The following CTNNA3 variants were observed in gnomAD, a reference collection of about 807,000 sequenced individuals.
CTNNA3 encodes the protein catenin alpha 3.
Under a neutral mutation model 95.7 loss-of-function variants are expected in CTNNA3, and 76 were observed. The ratio of observed to expected loss-of-function variants is 0.79; its 90% CI spans 0.66 to 0.96. The LOEUF is 0.96. Ranked by LOEUF, CTNNA3 falls within the 40% of genes least tolerant of loss-of-function variation. The pLI is 0.00. For missense variants in CTNNA3, 1,191 were observed against 1,089.8 expected (o/e 1.09, Z -1.31); for synonymous variants, 431 against 374.4 (o/e 1.15, Z -1.74).
At chr10:66,172,491 T>C (rs911973296) in intron 13 of CTNNA3, among the ~76,000 whole-genome samples, 2 of 152,126 alleles carry the variant, frequency 1.3e-5, no homozygotes, top group Admixed American at 1.3e-4. Context: ...ATTTTATCTA[T>C]ATTATTTTAT....
At chr10:66,447,356 C>T (rs1377937385) in intron 11 of CTNNA3, among the ~76,000 whole-genome samples, 13 of 144,780 alleles carry the variant, frequency 9.0e-5, no homozygotes, top group Admixed American at 2.1e-4. Context: ...AAAAAGAGCC[C>T]GCATCGCCAA....
chr10:66,583,414 G>A (rs1175488802), intron 10 of CTNNA3, among the ~76,000 whole-genome samples: 1 of 151,740 alleles, frequency 6.6e-6, no homozygotes, highest in Admixed American at 6.6e-5. Flanking sequence ...GCTAGCGGGG[G>A]TTGTATGTTT....
At chr10:66,823,551 C>T (rs1842376712) in intron 7 of CTNNA3, among the ~76,000 whole-genome samples, 1 of 152,124 alleles carries the variant, frequency 6.6e-6, no homozygotes, top group South Asian at 2.1e-4. Context: ...GAGCAGGATG[C>T]AAGGCAGTGA....
chr10:66,908,960 A>G (rs1217186351), intron 7 of CTNNA3, among the ~76,000 whole-genome samples: 1 of 152,196 alleles, frequency 6.6e-6, no homozygotes, highest in Non-Finnish European at 1.5e-5. Flanking sequence ...ACCAGATTAC[A>G]AACAGTCATT....
intron 7 of CTNNA3, among the ~76,000 whole-genome samples, chr10:66,915,656 A>T (rs1448432527): frequency 6.6e-6 from 1 of 151,368 alleles, no homozygotes; most frequent in East Asian, 1.9e-4. Flanking sequence ...AAATAGGATT[A>T]TCTGAAATGC....
intron 7 of CTNNA3, among the ~76,000 whole-genome samples, chr10:66,941,643 C>T (rs1473970097): frequency 5.9e-5 from 9 of 152,100 alleles, no homozygotes; most frequent in African/African-American, 1.4e-4. Context: ...GTCTGCAGGG[C>T]TCATTTGCAG....
At chr10:66,169,479 A>G (rs1049837514) in intron 13 of CTNNA3, among the ~76,000 whole-genome samples, 2 of 152,158 alleles carry the variant, frequency 1.3e-5, no homozygotes, top group East Asian at 3.9e-4. Context: ...TAATGCTATA[A>G]ACATGCGTGT....
intron 7 of CTNNA3, among the ~76,000 whole-genome samples, chr10:66,918,703 C>T (rs17231518): frequency 0.022 from 3,421 of 152,114 alleles, 61 homozygotes; most frequent in Non-Finnish European, 0.037. Flanking sequence ...GATCTTGATA[C>T]GAACAAACCT....
intron 7 of CTNNA3, among the ~76,000 whole-genome samples, chr10:66,804,437 C>T (rs1564694042): frequency 6.6e-6 from 1 of 151,970 alleles, no homozygotes; most frequent in African/African-American, 2.4e-5. Context: ...GTTCTGCTTT[C>T]CTAATGATAA....
intron 9 of CTNNA3, among the ~76,000 whole-genome samples, chr10:66,748,987 C>T (rs1839004805): frequency 6.7e-6 from 1 of 149,508 alleles, no homozygotes; most frequent in Admixed American, 6.7e-5. Flanking sequence ...ACCTGGCCAA[C>T]ATAGTGAAAC....
At chr10:67,362,883 A>G (rs1233901967) in intron 5 of CTNNA3, among the ~76,000 whole-genome samples, 1 of 152,136 alleles carries the variant, frequency 6.6e-6, no homozygotes, top group African/African-American at 2.4e-5. Flanking sequence ...AAAGGTTTCT[A>G]GAACAGATAA....
chr10:65,931,299 T>G (rs1011070370), intron 17 of CTNNA3, among the ~76,000 whole-genome samples: 8 of 152,218 alleles, frequency 5.3e-5, no homozygotes, highest in African/African-American at 1.9e-4. Flanking sequence ...TAGTCTCATT[T>G]AACTGGTAGA....
chr10:66,468,603 G>C (rs1230130988), intron 11 of CTNNA3, among the ~76,000 whole-genome samples: 1 of 151,836 alleles, frequency 6.6e-6, no homozygotes, highest in Admixed American at 6.6e-5. Context: ...TTTGCTAAGA[G>C]AGAAATCATA....
At chr10:67,002,185 T>G (rs1851728661) in intron 7 of CTNNA3, among the ~76,000 whole-genome samples, 1 of 152,226 alleles carries the variant, frequency 6.6e-6, no homozygotes, top group Admixed American at 6.5e-5. Flanking sequence ...TTTCCTCATA[T>G]TCTCTTAAAC....
intron 9 of CTNNA3, among the ~76,000 whole-genome samples, chr10:66,667,490 G>A (rs1846498394): frequency 1.3e-5 from 2 of 152,004 alleles, no homozygotes; most frequent in African/African-American, 4.8e-5. Flanking sequence ...TTTCTTCATC[G>A]AGGTATTAAT....
At chr10:67,759,713 A>G (rs1841452921) in intron 1 of CTNNA3, among the ~76,000 whole-genome samples, 1 of 152,200 alleles carries the variant, frequency 6.6e-6, no homozygotes, top group Non-Finnish European at 1.5e-5. Context: ...ACTATAGAGG[A>G]ATTATCGTGC....
chr10:67,195,917 T>C (rs1427530396), intron 6 of CTNNA3, among the ~76,000 whole-genome samples: 1 of 152,104 alleles, frequency 6.6e-6, no homozygotes, highest in African/African-American at 2.4e-5. Context: ...CTAAAAATCT[T>C]ACACCTATTC....
At chr10:67,222,381 C>T (rs1226125121) in intron 5 of CTNNA3, among the ~76,000 whole-genome samples, 1 of 152,172 alleles carries the variant, frequency 6.6e-6, no homozygotes, top group East Asian at 1.9e-4. Flanking sequence ...CTAGGTAACT[C>T]ATCTCTTTCG....
chr10:66,433,623 A>G (rs9664452), intron 11 of CTNNA3, among the ~76,000 whole-genome samples: 57,243 of 151,898 alleles, frequency 0.38, 11,246 homozygotes, highest in African/African-American at 0.48. Context: ...AGTTTCTTTC[A>G]CCGTGCAGAA....
Sources: allele counts gnomAD v4.1 joint callset (sites outside exome capture counted in the v4.1 genomes callset), GRCh38; gene constraint gnomAD v4.1.1; transcripts MANE v1.5; gene names NCBI Gene and HGNC (gene_info 2026-07-23, HGNC 2026-07-21).